Variants in MAGI2 observed in about 807,000 individuals in gnomAD.
MAGI2 encodes membrane-associated guanylate kinase, WW and PDZ domain-containing protein 2.
MAGI2 carries 35 observed loss-of-function variants against 133.3 expected under a neutral mutation model. The ratio of observed to expected loss-of-function variants is 0.26; its 90% CI spans 0.20 to 0.35. The LOEUF is 0.35. Ranked by LOEUF, MAGI2 falls within the 10% of genes least tolerant of loss-of-function variation. The pLI is 1.00. For missense variants in MAGI2, 1,636 were observed against 1,863.4 expected (o/e 0.88, Z 2.25); for synonymous variants, 729 against 710.6 (o/e 1.03, Z -0.41).
chr7:78,243,249 AC>A, intron 10 of MAGI2, among the ~76,000 whole-genome samples: 1 of 40,120 alleles, frequency 2.5e-5, no homozygotes, highest in South Asian at 6.5e-4. Context: ...ACACACACAC[AC>A]ACACACACAC....
At chr7:78,757,401 G>A (rs1452222311) in intron 2 of MAGI2, among the ~76,000 whole-genome samples, 2 of 149,248 alleles carry the variant, frequency 1.3e-5, no homozygotes, top group Middle Eastern at 3.3e-3. Context: ...TTTTCATTTA[G>A]CTTAAAAAAA....
At chr7:78,904,747 C>T (rs1181276195) in intron 2 of MAGI2, among the ~76,000 whole-genome samples, 2 of 152,166 alleles carry the variant, frequency 1.3e-5, no homozygotes, top group Admixed American at 6.5e-5. Context: ...AAGCAATCCA[C>T]CTGCTTAGGC....
chr7:78,797,559 G>A (rs1272722427), intron 2 of MAGI2, among the ~76,000 whole-genome samples: 1 of 152,106 alleles, frequency 6.6e-6, no homozygotes, highest in Non-Finnish European at 1.5e-5. Flanking sequence ...GGAACATTAT[G>A]TCAGTAATGT....
chr7:78,700,303 A>G (rs1385232406), intron 2 of MAGI2, among the ~76,000 whole-genome samples: 2 of 152,240 alleles, frequency 1.3e-5, no homozygotes, highest in African/African-American at 2.4e-5. Context: ...TTGTTATGAA[A>G]CATGTTGTGG....
At chr7:78,066,878 C>T (rs1032644822) in intron 21 of MAGI2, among the ~76,000 whole-genome samples, 2 of 152,210 alleles carry the variant, frequency 1.3e-5, no homozygotes, top group Non-Finnish European at 2.9e-5. Flanking sequence ...TTCCTCTTTG[C>T]CAGCAAACAC....
At chr7:78,104,989 T>TA (rs1818540865) in intron 20 of MAGI2, among the ~76,000 whole-genome samples, 1 of 57,440 alleles carries the variant, frequency 1.7e-5, no homozygotes, top group South Asian at 5.7e-4. Flanking sequence ...CCCTCCCACC[T>TA]CATCTCCCAG....
At chr7:79,058,399 C>A (rs1326591658) in intron 1 of MAGI2, among the ~76,000 whole-genome samples, 2 of 151,866 alleles carry the variant, frequency 1.3e-5, no homozygotes, top group Non-Finnish European at 2.9e-5. Flanking sequence ...AAGTGTAGGT[C>A]CTGAGAAAGT....
rs188378529 is a variant in MAGI2, at chr7:79,418,621, C to G, written c.301+34399G>C. ...ACTTTAGTTACCATTTACCATTTGC[C>G]ATGCTCTGGAATTGGTCTTTCTACA... On this transcript the variant is annotated intron_variant, in intron 1 of 21. Transcript: ENST00000354212. 3.2e-3 allele frequency among the ~76,000 whole-genome samples: 492 copies of G among 151,986 alleles called. 1 individual carries two copies. The highest frequency in any genetic ancestry group is 4.2e-3 in the Admixed American group (64 of 15,238).
chr7:78,573,450 TG>T (rs1316799738), intron 3 of MAGI2, among the ~76,000 whole-genome samples: 2 of 119,554 alleles, frequency 1.7e-5, no homozygotes, highest in Non-Finnish European at 3.3e-5. Context: ...CTGGGTCATA[TG>T]GCCCAAGTGG....
chr7:78,076,776 G>A (rs1815358371), intron 21 of MAGI2, among the ~76,000 whole-genome samples: 1 of 143,076 alleles, frequency 7.0e-6, no homozygotes, highest in Non-Finnish European at 1.5e-5. Flanking sequence ...AACCCGGGAA[G>A]CGGAGCTTGC....
At chr7:78,573,278 A>ATT (rs1475199893) in intron 3 of MAGI2, among the ~76,000 whole-genome samples, 1 of 57,592 alleles carries the variant, frequency 1.7e-5, no homozygotes, top group Non-Finnish European at 2.7e-5. Flanking sequence ...ATATAAATAT[A>ATT]TATATTTATA....
chr7:78,789,581 C>CA (rs1469047651), intron 2 of MAGI2, among the ~76,000 whole-genome samples: 2 of 152,000 alleles, frequency 1.3e-5, no homozygotes, highest in African/African-American at 4.8e-5. Flanking sequence ...TTGATGGATA[C>CA]ATAATAGGTA....
intron 1 of MAGI2, among the ~76,000 whole-genome samples, chr7:79,017,145 G>T (rs1482795397): frequency 6.6e-6 from 1 of 152,206 alleles, no homozygotes; most frequent in African/African-American, 2.4e-5. Context: ...CAATCCTGCT[G>T]CCACTGCCCT....
At chr7:79,186,191 A>AATATATATATATATATATATATAT (rs60719172) in intron 1 of MAGI2, among the ~76,000 whole-genome samples, 3 of 111,818 alleles carry the variant, frequency 2.7e-5, no homozygotes, top group South Asian at 3.3e-4. Context: ...TGCCTGGGAA[A>AATATATATATATATATATATATAT]ATATATATAT....
intron 20 of MAGI2, among the ~76,000 whole-genome samples, chr7:78,090,588 A>G (rs2151215704): frequency 6.6e-6 from 1 of 152,354 alleles, no homozygotes; most frequent in South Asian, 2.1e-4. Context: ...TATTTCTTAA[A>G]TGAATAAGTA....
chr7:79,150,445 A>G (rs1823095120), intron 1 of MAGI2, among the ~76,000 whole-genome samples: 1 of 152,152 alleles, frequency 6.6e-6, no homozygotes, highest in East Asian at 1.9e-4. Context: ...AAGTTAAAAT[A>G]TTTTTCTAGA....
At chr7:78,353,065 A>C (rs113144231) in intron 7 of MAGI2, 1 of 152,214 alleles carries the variant, frequency 6.6e-6, no homozygotes, top group Non-Finnish European at 1.5e-5. Flanking sequence ...CCCATAAAGT[A>C]TCTCTCTAAA....
intron 20 of MAGI2, among the ~76,000 whole-genome samples, chr7:78,110,802 G>A (rs990334093): frequency 1.3e-5 from 2 of 152,166 alleles, no homozygotes; most frequent in Admixed American, 6.5e-5. Context: ...AAAGAAAGAA[G>A]GGGACAGGGT....
intron 1 of MAGI2, among the ~76,000 whole-genome samples, chr7:79,391,348 GT>G (rs1844591650): frequency 6.6e-6 from 1 of 150,816 alleles, no homozygotes; most frequent in Admixed American, 6.6e-5. Context: ...AAACTAAAAG[GT>G]AAAAAAATAT....
Sources: allele counts gnomAD v4.1 joint callset (sites outside exome capture counted in the v4.1 genomes callset), GRCh38; gene constraint gnomAD v4.1.1; transcripts MANE v1.5; gene names NCBI Gene and HGNC (gene_info 2026-07-23, HGNC 2026-07-21).